The following ZC3H12B variants were observed in gnomAD, a reference collection of about 807,000 sequenced individuals.
ZC3H12B encodes the protein probable ribonuclease ZC3H12B.
Under a neutral mutation model 43.9 loss-of-function variants are expected in ZC3H12B, and 7 were observed. That is an observed-to-expected ratio of 0.16 (90% CI 0.09 to 0.30). The LOEUF is 0.30. Among genes scored for constraint, ZC3H12B ranks in the 10% least tolerant of loss-of-function variants. The probability of loss-of-function intolerance (pLI) is 1.00; values close to 1 mark genes in which losing one functional copy is unlikely to be tolerated. For synonymous variants in ZC3H12B, 222 were observed against 241.7 expected (o/e 0.92, Z 0.76); for missense variants, 475 against 670.2 (o/e 0.71, Z 3.22).
At chrX:65,093,360 G>A in the ZC3H12B span, among the ~76,000 whole-genome samples, 1 of 111,925 alleles carries the variant, frequency 8.9e-6, no homozygotes, top group South Asian at 3.8e-4. Context: ...GCCTGGTGAA[G>A]CTATGAGAAG....
At chrX:65,247,105 T>A in the ZC3H12B span, among the ~76,000 whole-genome samples, 1 of 104,750 alleles carries the variant, frequency 9.5e-6, no homozygotes, top group East Asian at 2.8e-4. Context: ...AACAGACACT[T>A]CAATACATGC....
At chrX:65,473,998 GT>G (rs2067960781) in intron 3 of ZC3H12B, among the ~76,000 whole-genome samples, 1 of 111,421 alleles carries the variant, frequency 9.0e-6, no homozygotes, top group African/African-American at 3.3e-5. Context: ...GTTTTGTAAT[GT>G]TTTTCAAGCC....
the ZC3H12B span, among the ~76,000 whole-genome samples, chrX:65,073,850 G>A: frequency 9.0e-6 from 1 of 111,591 alleles, no homozygotes; most frequent in Non-Finnish European, 1.9e-5. Flanking sequence ...CTGGTGCACT[G>A]TAGCCCTGTG....
At chrX:65,501,836 C>T (rs763574420) in exon 5 of ZC3H12B, 11 of 1,193,666 alleles carry the variant, frequency 9.2e-6, no homozygotes, top group East Asian at 3.0e-5. Flanking sequence ...CCATCCGGAG[C>T]GGGCCAACCA....
At chrX:65,125,152 G>C in the ZC3H12B span, among the ~76,000 whole-genome samples, 2 of 110,934 alleles carry the variant, frequency 1.8e-5, no homozygotes, top group Non-Finnish European at 3.8e-5. Context: ...CACCACTTTT[G>C]CTGTAACCCA....
At chrX:65,283,164 T>C in the ZC3H12B span, among the ~76,000 whole-genome samples, 1 of 110,707 alleles carries the variant, frequency 9.0e-6, no homozygotes, top group Non-Finnish European at 1.9e-5. Context: ...CGAGGCTGGT[T>C]CAACATATGA....
chrX:65,498,421 CTT>C (rs2148238317), intron 2 of ZC3H12B, among the ~76,000 whole-genome samples: 1 of 111,848 alleles, frequency 8.9e-6, no homozygotes, highest in South Asian at 3.7e-4. Flanking sequence ...TGAACAGGCT[CTT>C]GAGCCTCAGT....
At chrX:65,226,585 G>A in the ZC3H12B span, among the ~76,000 whole-genome samples, 2 of 111,245 alleles carry the variant, frequency 1.8e-5, no homozygotes, top group Non-Finnish European at 3.8e-5. Context: ...ACACAGACTG[G>A]CAAATTGGAT....
chrX:65,412,953 A>G (rs770991856), intron 3 of ZC3H12B, among the ~76,000 whole-genome samples: 3 of 111,124 alleles, frequency 2.7e-5, no homozygotes, highest in Non-Finnish European at 5.7e-5. Flanking sequence ...ATTCTCGCCA[A>G]CAATTCTCTT....
upstream of ZC3H12B, among the ~76,000 whole-genome samples, chrX:65,363,586 G>A (rs1313619465): frequency 9.0e-6 from 1 of 111,562 alleles, no homozygotes; most frequent in East Asian, 2.8e-4. Flanking sequence ...TTTAGAGACT[G>A]CTCCCACACT....
At chrX:65,367,170 T>A (rs2066184647) in intron 1 of ZC3H12B, among the ~76,000 whole-genome samples, 1 of 111,962 alleles carries the variant, frequency 8.9e-6, no homozygotes, top group Non-Finnish European at 1.9e-5. Flanking sequence ...GATATTGTTA[T>A]TGCATCTATA....
At chrX:65,326,771 C>T in the ZC3H12B span, among the ~76,000 whole-genome samples, 3 of 111,223 alleles carry the variant, frequency 2.7e-5, no homozygotes, top group Non-Finnish European at 5.7e-5. Flanking sequence ...ATCACATTAA[C>T]TTCAAATAAT....
intron 3 of ZC3H12B, among the ~76,000 whole-genome samples, chrX:65,421,690 G>A (rs1030572903): frequency 5.4e-5 from 6 of 111,962 alleles, no homozygotes; most frequent in Admixed American, 4.7e-4. Flanking sequence ...GGCCAGGTGC[G>A]GTGGCTCACG....
the ZC3H12B span, among the ~76,000 whole-genome samples, chrX:65,175,944 A>T: frequency 1.8e-5 from 2 of 112,260 alleles, no homozygotes; most frequent in African/African-American, 3.2e-5. Flanking sequence ...CCTGGGTTTC[A>T]AGCACAAAAG....
chrX:65,237,358 C>A, the ZC3H12B span, among the ~76,000 whole-genome samples: 1 of 111,201 alleles, frequency 9.0e-6, no homozygotes, highest in Admixed American at 9.6e-5. Flanking sequence ...TGTGGTTTCA[C>A]TCTCTGCTTG....
the ZC3H12B span, among the ~76,000 whole-genome samples, chrX:65,084,442 C>A: frequency 3.8e-4 from 42 of 111,323 alleles, no homozygotes; most frequent in Non-Finnish European, 7.2e-4. Context: ...AAAAAATGGG[C>A]AAAATATTTT....
At chrX:65,304,010 G>T in the ZC3H12B span, among the ~76,000 whole-genome samples, 1 of 112,228 alleles carries the variant, frequency 8.9e-6, no homozygotes, top group East Asian at 2.8e-4. Context: ...TTTCAAACAG[G>T]TTTTTAAAAA....
the ZC3H12B span, among the ~76,000 whole-genome samples, chrX:65,286,412 G>A: frequency 4.5e-5 from 5 of 111,454 alleles, no homozygotes; most frequent in Admixed American, 9.5e-5. Flanking sequence ...TATGAGAGCA[G>A]GGAGCTTGGA....
the ZC3H12B span, among the ~76,000 whole-genome samples, chrX:65,261,784 A>G: frequency 9.0e-6 from 1 of 111,273 alleles, no homozygotes; most frequent in Non-Finnish European, 1.9e-5. Flanking sequence ...TAATACATGT[A>G]ATACCCAGAT....
Sources: gnomAD v4.1 joint callset for allele counts (sites outside exome capture counted in the v4.1 genomes callset) on GRCh38, gnomAD v4.1.1 for gene constraint, MANE v1.5 for transcripts, NCBI Gene and HGNC (gene_info 2026-07-23, HGNC 2026-07-21) for gene names.